UBTD1: variants seen among roughly 807,000 people sequenced by gnomAD.
The protein encoded by UBTD1 is ubiquitin domain containing 1, also known as ubiquitin domain-containing protein 1.
In UBTD1, 19 loss-of-function variants were observed where a neutral mutation model predicts 21.7. The observed-to-expected ratio is 0.87, with a 90% CI of 0.61 to 1.28. The LOEUF (loss-of-function observed/expected upper bound fraction) is 1.28, where lower values mean the gene tolerates loss of function less well. Ranked by LOEUF, UBTD1 falls within the 50% of genes most tolerant of loss-of-function variation. The pLI, the probability that UBTD1 is intolerant of heterozygous loss-of-function variation, is 0.00. For missense variants in UBTD1, 282 were observed against 315.1 expected, an observed-to-expected ratio of 0.89 and a Z score of 0.80; for synonymous variants, 116 against 135.1, an observed-to-expected ratio of 0.86 and a Z score of 0.98.
chr10:97,499,209 C>T lies in UBTD1; in HGVS notation c.6C>T (p.Gly2=). Residue 2 remains glycine (G), a synonymous_variant, in exon 1 of 3, where the codon GGC becomes GGT. Coordinates refer to ENST00000370664, the MANE Select transcript of UBTD1 (RefSeq NM_024954.5). ...GGACTGGCTGAGGAGCCAGCATGGG[C>T]AACTGCGTGGGGAGACAGCGCCGGG... M[G]NCVGRQRRER... is the part of the protein sequence containing the mutation. The T allele has an allele frequency of 6.5e-7, 1 of 1,546,530 alleles. No individual in the cohort carries two copies. The highest frequency in any genetic ancestry group is 8.7e-7 in the Non-Finnish European group (1 of 1,145,212).
At chr10:97,536,146 C>T (rs1463097795) in intron 1 of UBTD1, among the ~76,000 whole-genome samples, 1 of 152,016 alleles carries the variant, frequency 6.6e-6, no homozygotes, top group Non-Finnish European at 1.5e-5. Flanking sequence ...GCTCCCGCCA[C>T]CAAGCACAGC....
At position 97,534,720 on chromosome 10, in the gene UBTD1, AT is replaced by A. The variant is rs373485694; in HGVS notation, c.71-33188del. ...GAAAAGGTGGTGTGTGTTCCTCCAG[AT>A]TTTTTCCCTTGCAGATGCTAACACT... On this transcript the variant is annotated intron_variant, in intron 1 of 2. Coordinates refer to ENST00000370664, the MANE Select transcript of UBTD1 (RefSeq NM_024954.5). Among the ~76,000 whole-genome samples the A allele has an allele frequency of 9.9e-5, 15 of 151,934 alleles. No individual in the cohort carries two copies. The East Asian group carries it at 2.9e-3, about 29-fold the overall frequency.
At chr10:97,552,446 A>G (rs2040644107) in intron 1 of UBTD1, among the ~76,000 whole-genome samples, 1 of 131,974 alleles carries the variant, frequency 7.6e-6, no homozygotes, top group African/African-American at 2.9e-5. Flanking sequence ...CCCAGGCTGG[A>G]GTGCAGTGGT....
At chr10:97,534,207 A>G (rs2040547903) in intron 1 of UBTD1, among the ~76,000 whole-genome samples, 1 of 152,152 alleles carries the variant, frequency 6.6e-6, no homozygotes, top group Non-Finnish European at 1.5e-5. Flanking sequence ...CCAGGAAACC[A>G]GAGCTCTCAC....
intron 1 of UBTD1, among the ~76,000 whole-genome samples, chr10:97,522,935 T>G (rs2040472260): frequency 6.6e-6 from 1 of 152,236 alleles, no homozygotes; most frequent in South Asian, 2.1e-4. Context: ...TTCATCTCCC[T>G]GACTCCTTTC....
intron 1 of UBTD1, among the ~76,000 whole-genome samples, chr10:97,506,840 C>T (rs2040401627): frequency 6.6e-6 from 1 of 152,194 alleles, no homozygotes; most frequent in South Asian, 2.1e-4. Context: ...TCAGAATGTC[C>T]TTCCTTTTTA....
At position 97,512,028 on chromosome 10, in the gene UBTD1, A is replaced by G. The variant is rs79085182; in HGVS notation, c.70+12755A>G. Among the ~76,000 whole-genome samples the G allele has an allele frequency of 4.7e-3, 712 of 152,278 alleles. 9 individuals carry two copies. Among genetic ancestry groups the G allele is most frequent in the African/African-American group, 0.016 (680 of 41,548 alleles). Reference sequence around the variant, plus strand: ...TAGCCAGTATGGGAAACTGCCTCTCAATATTTACTACATCGGCCTTATCCC... The same window carrying G: ...TAGCCAGTATGGGAAACTGCCTCTCGATATTTACTACATCGGCCTTATCCC... On this transcript the variant is annotated intron_variant, in intron 1 of 2. Coordinates refer to ENST00000370664, the MANE Select transcript of UBTD1 (RefSeq NM_024954.5).
chr10:97,535,968 A>AATTATTATTATTATTATTGTTATTATT (rs1554865892), intron 1 of UBTD1, among the ~76,000 whole-genome samples: 8 of 90,172 alleles, frequency 8.9e-5, no homozygotes, highest in African/African-American at 2.7e-4. Flanking sequence ...GTTGGAGAGA[A>AATTATTATTATTATTATTGTTATTATT]ATTATTATTA....
At chr10:97,526,943 G>A (rs537658935) in intron 1 of UBTD1, among the ~76,000 whole-genome samples, 157 of 151,274 alleles carry the variant, frequency 1.0e-3, no homozygotes, top group Middle Eastern at 7.0e-3. Context: ...AGGCTGAGAC[G>A]GGTGGATTAC....
chr10:97,565,214 C>G (rs1427906550), intron 1 of UBTD1, among the ~76,000 whole-genome samples: 1 of 152,184 alleles, frequency 6.6e-6, no homozygotes, highest in Non-Finnish European at 1.5e-5. Context: ...GTCCAACAGT[C>G]TGTCCCTGTT....
intron 1 of UBTD1, among the ~76,000 whole-genome samples, chr10:97,528,987 A>G (rs2040510080): frequency 6.6e-6 from 1 of 151,704 alleles, no homozygotes; most frequent in Non-Finnish European, 1.5e-5. Context: ...TGCCGGGCGG[A>G]GACGCTCCTC....
chr10:97,563,608 A>G (rs768055694), intron 1 of UBTD1, among the ~76,000 whole-genome samples: 1 of 152,152 alleles, frequency 6.6e-6, no homozygotes, highest in Non-Finnish European at 1.5e-5. Flanking sequence ...GTCAGCAAAG[A>G]TCATCTATCC....
At chr10:97,544,291 C>A (rs1418699398) in intron 1 of UBTD1, among the ~76,000 whole-genome samples, 119 of 139,104 alleles carry the variant, frequency 8.6e-4, no homozygotes, top group Middle Eastern at 7.2e-3. Flanking sequence ...AACTCTGTCT[C>A]AAAAAAAAAA....
rs562722752 is a variant in UBTD1, at chr10:97,541,786, G to A, written c.71-26128G>A. On this transcript the variant is annotated intron_variant, in intron 1 of 2. Coordinates refer to ENST00000370664, the MANE Select transcript of UBTD1 (RefSeq NM_024954.5). ...TTTCACTCTTGTCATCCAGGCTGGA[G>A]TGCAGTAGTGCGATCTCGGCTCACT... is the stretch of plus-strand genomic sequence containing the variant. Among the ~76,000 whole-genome samples, 44 of 147,008 alleles carry A rather than the reference G, an allele frequency of 3.0e-4. 1 individual carries two copies. The highest frequency in any genetic ancestry group is 5.5e-4 in the Non-Finnish European group (37 of 67,350).
intron 1 of UBTD1, among the ~76,000 whole-genome samples, chr10:97,531,122 C>T (rs547281379): frequency 5.1e-4 from 78 of 151,988 alleles, no homozygotes; most frequent in African/African-American, 1.8e-3. Context: ...CTCCTGACCT[C>T]GTGATCCGCC....
intron 2 of UBTD1, 152 bp downstream of exon 2, chr10:97,568,293 G>C: frequency 1.3e-6 from 1 of 748,874 alleles, no homozygotes; most frequent in Non-Finnish European, 2.1e-6. Flanking sequence ...ACCAGGAGTG[G>C]GTACACAAAG....
intron 1 of UBTD1, among the ~76,000 whole-genome samples, chr10:97,504,614 A>G (rs910241208): frequency 1.2e-4 from 18 of 152,082 alleles, no homozygotes; most frequent in Admixed American, 7.2e-4. Context: ...ATCCTCTGAT[A>G]TTGGTTGTCT....
intron 1 of UBTD1, among the ~76,000 whole-genome samples, chr10:97,549,878 G>A (rs924383679): frequency 1.3e-5 from 2 of 152,294 alleles, no homozygotes; most frequent in Non-Finnish European, 2.9e-5. Context: ...TATAAATATC[G>A]CGCTTCCTGA....
Position 97,499,141 on chromosome 10 carries a change from C to G in UBTD1, c.-63C>G, listed in dbSNP as rs940150286. 1 of 1,476,402 alleles carries G rather than the reference C, an allele frequency of 6.8e-7. No homozygotes were observed. Among genetic ancestry groups the G allele is most frequent in the Non-Finnish European group, 9.0e-7 (1 of 1,105,826 alleles). 91.5% of individuals were successfully genotyped at this position (1,476,402 alleles called of 1,614,324 possible). On this transcript the variant is annotated 5_prime_UTR_variant, in exon 1 of 3. Coordinates refer to ENST00000370664, the MANE Select transcript of UBTD1 (RefSeq NM_024954.5). ...CGGAGCCATTGACCCGGGACGCCGC[C>G]GTCCGCTGAGCAGCCGACCACCCCG...
Sources: gnomAD v4.1 joint callset for allele counts (sites outside exome capture counted in the v4.1 genomes callset) on GRCh38, gnomAD v4.1.1 for gene constraint, MANE v1.5 for transcripts, NCBI Gene and HGNC (gene_info 2026-07-23, HGNC 2026-07-21) for gene names.